Variants in COL24A1 observed in about 807,000 individuals in gnomAD.
The protein encoded by COL24A1 is collagen alpha-1(XXIV) chain.
A neutral mutation model predicts 253.9 loss-of-function variants in COL24A1; 224 were observed. That is an observed-to-expected ratio of 0.88 (90% CI 0.79 to 0.99). The LOEUF (loss-of-function observed/expected upper bound fraction) is 0.99, where lower values mean the gene tolerates loss of function less well. COL24A1 is among the 50% of genes least tolerant of loss of function. The probability of loss-of-function intolerance (pLI) is 0.00; values close to 1 mark genes in which losing one functional copy is unlikely to be tolerated. For synonymous variants in COL24A1, 685 were observed against 673.7 expected, an observed-to-expected ratio of 1.02 and a Z score of -0.26; for missense variants, 2,131 against 2,068.5, an observed-to-expected ratio of 1.03 and a Z score of -0.59.
At chr1:85,755,234 T>C (rs1666109865) in intron 55 of COL24A1, among the ~76,000 whole-genome samples, 1 of 152,144 alleles carries the variant, frequency 6.6e-6, no homozygotes, top group South Asian at 2.1e-4. Flanking sequence ...TATTAATATA[T>C]TCCCAGTTAA....
intron 53 of COL24A1, among the ~76,000 whole-genome samples, chr1:85,764,204 A>T (rs775523198): frequency 1.6e-4 from 25 of 152,192 alleles, no homozygotes; most frequent in Admixed American, 1.3e-3. Context: ...TACCCACTAG[A>T]TGCCACTGAC....
chr1:85,901,364 A>T (rs2102846275), intron 28 of COL24A1, among the ~76,000 whole-genome samples: 1 of 152,320 alleles, frequency 6.6e-6, no homozygotes, highest in Non-Finnish European at 1.5e-5. Context: ...TCATCATATC[A>T]CAGGAAGAAT....
In COL24A1 at chr1:85,874,802, G is replaced by A. The variant is rs370950919; in HGVS notation, c.3085-100C>T. On this transcript the variant is annotated intron_variant, in intron 34 of 59. Coordinates refer to ENST00000370571, the MANE Select transcript of COL24A1 (RefSeq NM_152890.7). ...GGCACAGTTCCCCAACGCCTGGGCC[G>A]TAGAGGGTACCTGTCCAAGGCCTGT... is the stretch of plus-strand genomic sequence containing the variant. 198 of 1,305,456 alleles carry A rather than the reference G, an allele frequency of 1.5e-4. 2 individuals are homozygous for A. The African/African-American group carries it at 2.2e-3, about 14-fold the overall frequency. 80.9% of individuals were successfully genotyped at this position (1,305,456 alleles called of 1,614,324 possible).
intron 1 of COL24A1, among the ~76,000 whole-genome samples, chr1:86,149,449 A>G (rs1466700315): frequency 6.6e-6 from 1 of 152,234 alleles, no homozygotes; most frequent in African/African-American, 2.4e-5. Context: ...AACTGGCAGG[A>G]TACATATCAG....
At chr1:85,881,264 A>G (rs1368475113) in intron 32 of COL24A1, among the ~76,000 whole-genome samples, 1 of 152,178 alleles carries the variant, frequency 6.6e-6, no homozygotes, top group Non-Finnish European at 1.5e-5. Context: ...AATCAAATCA[A>G]ATCAAATCAA....
intron 5 of COL24A1, among the ~76,000 whole-genome samples, chr1:86,100,334 G>A (rs1013355175): frequency 5.3e-5 from 8 of 152,066 alleles, no homozygotes; most frequent in African/African-American, 4.8e-5. Flanking sequence ...TCTATAATAA[G>A]AAACTTCCAT....
In COL24A1 at chr1:85,880,259, CT is replaced by C. The variant is rs1681672688; in HGVS notation, c.2977-3085del. Among the ~76,000 whole-genome samples the C allele has an allele frequency of 1.3e-5, 2 of 152,086 alleles. 1 individual carries two copies. The highest frequency in any genetic ancestry group is 4.8e-5 in the African/African-American group (2 of 41,406). ...TAGAGTTACAACTATTTCTTTCTCT[CT>C]TTTTTGGTGCTAATGTAAATAGTAT... On this transcript the variant is annotated intron_variant, in intron 32 of 59. Transcript: ENST00000370571.
At chr1:86,041,107 G>A (rs1430239171) in intron 12 of COL24A1, among the ~76,000 whole-genome samples, 1 of 152,050 alleles carries the variant, frequency 6.6e-6, no homozygotes, top group Non-Finnish European at 1.5e-5. Flanking sequence ...AGAGGAGCAG[G>A]CTCTCCTTTC....
At chr1:85,975,233 C>T (rs1692546938) in intron 20 of COL24A1, among the ~76,000 whole-genome samples, 1 of 151,968 alleles carries the variant, frequency 6.6e-6, no homozygotes, top group African/African-American at 2.4e-5. Flanking sequence ...AATAGAACTA[C>T]CATATGATTT....
intron 19 of COL24A1, among the ~76,000 whole-genome samples, chr1:85,989,186 T>C (rs1571494858): frequency 6.6e-6 from 1 of 152,168 alleles, no homozygotes; most frequent in African/African-American, 2.4e-5. Context: ...CACTAGCTAG[T>C]CTAAAATTGA....
intron 7 of COL24A1, among the ~76,000 whole-genome samples, chr1:86,074,007 C>T (rs1702065616): frequency 6.6e-6 from 1 of 152,188 alleles, no homozygotes; most frequent in Non-Finnish European, 1.5e-5. Flanking sequence ...ACTGCAAAAA[C>T]ATACCAAATT....
chr1:85,865,964 A>T (rs1222944183), intron 37 of COL24A1, among the ~76,000 whole-genome samples: 1 of 152,208 alleles, frequency 6.6e-6, no homozygotes, highest in Non-Finnish European at 1.5e-5. Flanking sequence ...CTTAGAAAAT[A>T]AAGAAATTTC....
At chr1:86,082,685 AATAC>A (rs1239113750) in intron 7 of COL24A1, among the ~76,000 whole-genome samples, 3 of 119,682 alleles carry the variant, frequency 2.5e-5, no homozygotes, top group East Asian at 4.0e-4. Context: ...ATATTTACAT[AATAC>A]ATAAATACAA....
intron 53 of COL24A1, among the ~76,000 whole-genome samples, chr1:85,770,992 T>C (rs112534365): frequency 0.024 from 3,712 of 152,312 alleles, 66 homozygotes; most frequent in Middle Eastern, 0.045. Context: ...TCCTGATGCC[T>C]GGCAAGGCAA....
intron 5 of COL24A1, among the ~76,000 whole-genome samples, chr1:86,111,531 C>T (rs1050220491): frequency 4.6e-5 from 7 of 152,128 alleles, no homozygotes; most frequent in Non-Finnish European, 1.0e-4. Flanking sequence ...CAAAACAGAG[C>T]GATCAGCTCT....
chr1:86,147,425 G>T (rs1652043110), intron 1 of COL24A1, among the ~76,000 whole-genome samples: 1 of 152,212 alleles, frequency 6.6e-6, no homozygotes, highest in Non-Finnish European at 1.5e-5. Context: ...GGTTTCGATA[G>T]AATACTTAAC....
intron 19 of COL24A1, among the ~76,000 whole-genome samples, chr1:86,002,019 T>G (rs1695465066): frequency 6.6e-6 from 1 of 152,230 alleles, no homozygotes. Context: ...CTTATTCACC[T>G]CTGCACTTTT....
chr1:85,819,771 G>A (rs978850894), intron 45 of COL24A1, among the ~76,000 whole-genome samples: 3 of 151,944 alleles, frequency 2.0e-5, no homozygotes, highest in Non-Finnish European at 2.9e-5. Flanking sequence ...AAAGAGAAGC[G>A]GGACTGTTAG....
chr1:85,756,057 CAAAA>C (rs200030128), intron 55 of COL24A1, among the ~76,000 whole-genome samples: 4 of 95,830 alleles, frequency 4.2e-5, no homozygotes, highest in East Asian at 3.3e-4. Context: ...TACTAACAAC[CAAAA>C]AAAAAAAAAA....
Sources: gnomAD v4.1 joint callset for allele counts (sites outside exome capture counted in the v4.1 genomes callset) on GRCh38, gnomAD v4.1.1 for gene constraint, MANE v1.5 for transcripts, NCBI Gene and HGNC (gene_info 2026-07-23, HGNC 2026-07-21) for gene names.